The following DRG1 variants were observed in gnomAD, a reference collection of about 807,000 sequenced individuals.
The protein encoded by DRG1 is developmentally-regulated GTP-binding protein 1.
DRG1 carries 19 observed loss-of-function variants against 38.8 expected under a neutral mutation model. The observed-to-expected ratio is 0.49, with a 90% CI of 0.34 to 0.72. The LOEUF (loss-of-function observed/expected upper bound fraction) is 0.72, where lower values mean the gene tolerates loss of function less well. Ranked by LOEUF, DRG1 falls within the 30% of genes least tolerant of loss-of-function variation. DRG1 has a pLI of 0.01. For missense variants in DRG1, 299 were observed against 444.8 expected, an observed-to-expected ratio of 0.67 and a Z score of 2.95; for synonymous variants, 167 against 157.5, an observed-to-expected ratio of 1.06 and a Z score of -0.45.
At chr22:31,422,215 T>C (rs1319867786) in intron 5 of DRG1, among the ~76,000 whole-genome samples, 1 of 151,986 alleles carries the variant, frequency 6.6e-6, no homozygotes, top group Non-Finnish European at 1.5e-5. Context: ...GCAGATTACA[T>C]GAGGTCAGGA....
At chr22:31,432,634 G>A (rs1160064653) in intron 8 of DRG1, among the ~76,000 whole-genome samples, 3 of 152,036 alleles carry the variant, frequency 2.0e-5, no homozygotes, top group Non-Finnish European at 4.4e-5. Flanking sequence ...CACCATGTTG[G>A]CCAGGATGGT....
Position 31,403,048 on chromosome 22 carries a change from A to C in DRG1, c.186A>C (p.Thr62=). The C allele has an allele frequency of 6.2e-7, 1 of 1,612,804 alleles. No individual in the cohort carries two copies. The highest frequency in any genetic ancestry group is 8.5e-7 in the Non-Finnish European group (1 of 1,179,834). The change falls in exon 3 of 9, where the codon ACA becomes ACC. Residue 62 remains threonine, a synonymous_variant. Coordinates refer to ENST00000331457, the MANE Select transcript of DRG1 (RefSeq NM_004147.4). ...TTTTAGGTTTTGATGTGGCCAAGAC[A>C]GGTGATGCTCGAATTGGATTTGTTG... is the stretch of plus-strand genomic sequence containing the variant. ...GPGEGFDVAK[T]GDARIGFVGF... is the part of the protein sequence containing the mutation.
In DRG1 at chr22:31,420,399, A is replaced by G. The variant is rs2050070214; in HGVS notation, c.556A>G (p.Lys186Glu). The change falls in exon 5 of 9, where the codon AAG (lysine) becomes GAG (glutamate). Residue 186 changes from lysine to glutamate, a missense_variant. Physicochemically the swap from Lys to Glu is moderately conservative, Grantham distance 56 (BLOSUM62 1). Around this residue, in one of 3 missense-constraint regions of DRG1, gnomAD observed 198 missense variants for 268.1 expected, o/e 0.74. Coordinates refer to ENST00000331457, the MANE Select transcript of DRG1 (RefSeq NM_004147.4). The part of the protein sequence containing the change: ...PPNIGFKKKD[K>E]GGINLTATCP... ...CAACATTGGCTTTAAGAAGAAGGAC[A>G]AGGGAGGCATTAATCTCACAGCCAC... 6.2e-7 allele frequency: 1 copy of G among 1,614,056 alleles called. No individual in the cohort carries two copies. The highest frequency in any genetic ancestry group is 8.5e-7 in the Non-Finnish European group (1 of 1,180,038).
intron 5 of DRG1, 82 bp from the exon 6 acceptor site, chr22:31,423,198 T>C: frequency 6.4e-7 from 1 of 1,553,230 alleles, no homozygotes; most frequent in Non-Finnish European, 8.7e-7. Context: ...GCTAGAATTT[T>C]CCAGGTACAT....
At chr22:31,401,867 A>G (rs999449350) in intron 2 of DRG1, among the ~76,000 whole-genome samples, 36 of 152,012 alleles carry the variant, frequency 2.4e-4, no homozygotes, top group African/African-American at 8.0e-4. Flanking sequence ...CCTGACCAAC[A>G]TGGTGAAACC....
At chr22:31,415,371 C>T (rs1484061009) in intron 4 of DRG1, among the ~76,000 whole-genome samples, 1 of 152,172 alleles carries the variant, frequency 6.6e-6, no homozygotes, top group East Asian at 1.9e-4. Context: ...CCACTGCTCT[C>T]GATATTAATT....
At chr22:31,424,991 C>T (rs1039140796) in intron 6 of DRG1, among the ~76,000 whole-genome samples, 13 of 150,174 alleles carry the variant, frequency 8.7e-5, no homozygotes, top group Admixed American at 7.3e-4. Context: ...TTAGTAGAGA[C>T]GGGGTTTCTC....
chr22:31,415,890 G>C (rs695438), intron 4 of DRG1, among the ~76,000 whole-genome samples: 49,772 of 151,694 alleles, frequency 0.33, 8,686 homozygotes, highest in East Asian at 0.55. Context: ...CGTAGTGACT[G>C]CAAACTCTTC....
chr22:31,405,455 C>T (rs910050069), intron 3 of DRG1, among the ~76,000 whole-genome samples: 25 of 152,182 alleles, frequency 1.6e-4, no homozygotes, highest in Non-Finnish European at 2.8e-4. Context: ...CTTGAGCCAC[C>T]GTGCCTGGCC....
intron 4 of DRG1, among the ~76,000 whole-genome samples, chr22:31,419,334 G>C (rs1211936016): frequency 6.6e-6 from 1 of 150,884 alleles, no homozygotes; most frequent in Non-Finnish European, 1.5e-5. Context: ...ATAAAAATAA[G>C]ATATGCAGGC....
chr22:31,402,251 C>A (rs770671964), intron 2 of DRG1, among the ~76,000 whole-genome samples: 1 of 151,642 alleles, frequency 6.6e-6, no homozygotes. Context: ...TAGAGAAGGG[C>A]CACAGATTTG....
chr22:31,417,025 C>T (rs909364600), intron 4 of DRG1, among the ~76,000 whole-genome samples: 5 of 150,666 alleles, frequency 3.3e-5, no homozygotes, highest in Admixed American at 2.0e-4. Flanking sequence ...GATCATGCCA[C>T]TGCACTGCAG....
At chr22:31,408,423 C>T (rs780840565) in intron 3 of DRG1, among the ~76,000 whole-genome samples, 39 of 151,452 alleles carry the variant, frequency 2.6e-4, no homozygotes, top group Admixed American at 7.9e-4. Flanking sequence ...GGATTACAGG[C>T]TTGAGCCACC....
In DRG1 at chr22:31,420,247, A is replaced by G. The variant is rs1261461733; in HGVS notation, c.413-9A>G. 1 of 1,608,252 alleles carries G rather than the reference A, an allele frequency of 6.2e-7. No homozygotes were observed. Among genetic ancestry groups the G allele is most frequent in the Non-Finnish European group, 8.5e-7 (1 of 1,177,134 alleles). ...ACTTTCTTGCGTATGTTTTTTTCTTACTCTTCAGTGGCCCGAACCTGTAAC... is the reference window on the plus strand; with the variant it reads ...ACTTTCTTGCGTATGTTTTTTTCTTGCTCTTCAGTGGCCCGAACCTGTAAC... On this transcript the variant is annotated splice_polypyrimidine_tract_variant and intron_variant, in intron 4 of 8. Coordinates refer to ENST00000331457, the MANE Select transcript of DRG1 (RefSeq NM_004147.4).
chr22:31,431,035 C>CTTTTTTTT (rs1365360511), intron 8 of DRG1, among the ~76,000 whole-genome samples: 1 of 56,768 alleles, frequency 1.8e-5, no homozygotes. Context: ...CCCCCCCCCG[C>CTTTTTTTT]TTTTTTTTTT....
chr22:31,400,132 C>G (rs2049952718), intron 1 of DRG1, among the ~76,000 whole-genome samples: 1 of 152,084 alleles, frequency 6.6e-6, no homozygotes, highest in Non-Finnish European at 1.5e-5. Flanking sequence ...CATCATCCTT[C>G]GCTGCGTCCC....
intron 5 of DRG1, among the ~76,000 whole-genome samples, chr22:31,423,010 A>G (rs1483776869): frequency 2.0e-5 from 3 of 152,070 alleles, no homozygotes; most frequent in African/African-American, 4.8e-5. Context: ...TAAAGACCCT[A>G]TCTCCAAATA....
At chr22:31,419,139 A>T (rs1286483888) in intron 4 of DRG1, among the ~76,000 whole-genome samples, 24 of 151,826 alleles carry the variant, frequency 1.6e-4, no homozygotes, top group Admixed American at 1.5e-3. Flanking sequence ...TGACAAATGA[A>T]TTTTAATATA....
intron 3 of DRG1, among the ~76,000 whole-genome samples, chr22:31,409,985 A>G (rs969127947): frequency 6.6e-5 from 10 of 152,068 alleles, no homozygotes; most frequent in African/African-American, 2.2e-4. Flanking sequence ...GCAGAGTGAG[A>G]CTCCGTCTTT....
Sources: allele counts gnomAD v4.1 joint callset (sites outside exome capture counted in the v4.1 genomes callset), GRCh38; gene constraint gnomAD v4.1.1; regional missense constraint gnomAD v4.1.1; transcripts MANE v1.5; gene names NCBI Gene and HGNC (gene_info 2026-07-23, HGNC 2026-07-21).